The following UGT1A1 variants were observed in gnomAD, a reference collection of about 807,000 sequenced individuals.
UGT1A1 encodes UDP glucuronosyltransferase family 1 member A1, also known as UDP-glucuronosyltransferase 1A1.
In UGT1A1, 33 loss-of-function variants were observed where a neutral mutation model predicts 40.6. That is an observed-to-expected ratio of 0.81 (90% CI 0.62 to 1.09). UGT1A1 has a LOEUF of 1.09. Ranked by LOEUF, UGT1A1 falls within the 50% of genes least tolerant of loss-of-function variation. The pLI is 0.00. For missense variants in UGT1A1, 694 were observed against 671.2 expected, an observed-to-expected ratio of 1.03 and a Z score of -0.38; for synonymous variants, 249 against 265.0, an observed-to-expected ratio of 0.94 and a Z score of 0.59.
chr2:233,768,054 A>T (rs1384127703), intron 3 of UGT1A1, 118 bp downstream of exon 3: 6 of 1,603,138 alleles, frequency 3.7e-6, no homozygotes, highest in Non-Finnish European at 5.1e-6. Context: ...CATATCCTAC[A>T]TTGCTTTTTA....
In UGT1A1 at chr2:233,772,279, T is replaced by G. The variant is rs202172337; in HGVS notation, c.1322T>G (p.Met441Arg). Residue 441 changes from methionine to arginine, a missense_variant, in exon 5 of 5, where the codon ATG (methionine) becomes AGG (arginine). By Grantham distance (91) the Met-to-Arg change is moderately conservative. Transcript: ENST00000305208. ...INDKSYKENI[M>R]RLSSLHKDRP... The stretch of plus-strand genomic sequence containing the variant: ...GTGTTTAGTTACAAGGAGAACATCA[T>G]GCGCCTCTCCAGCCTTCACAAGGAC... 1.9e-6 allele frequency: 3 copies of G among 1,614,146 alleles called. No homozygotes were observed. The African/African-American group carries it at 4.0e-5, about 22-fold the overall frequency.
Position 233,760,303 on chromosome 2 carries a change from C to T in UGT1A1, c.16C>T (p.Gln6Ter), listed in dbSNP as rs2125982207. ...CAAAGGCGCCATGGCTGTGGAGTCC[C>T]AGGGCGGACGCCCACTTGTCCTGGG... MAVES[Q>*]GGRPLVLGLL... is the part of the protein sequence containing the mutation. The change falls in exon 1 of 5, where the codon CAG (glutamine) becomes TAG (stop). Residue 6 changes from glutamine (Q) to a stop codon, truncating the protein, a stop_gained. Coordinates refer to ENST00000305208, the MANE Select transcript of UGT1A1 (RefSeq NM_000463.3). LOFTEE classifies it high-confidence loss of function. 2 of 1,613,696 alleles carry T rather than the reference C, an allele frequency of 1.2e-6. No individual in the cohort carries two copies. Among genetic ancestry groups the T allele is most frequent in the South Asian group, 1.1e-5 (1 of 91,060 alleles).
At chr2:233,761,840 A>T (rs1697880873) in intron 1 of UGT1A1, among the ~76,000 whole-genome samples, 1 of 152,140 alleles carries the variant, frequency 6.6e-6, no homozygotes, top group African/African-American at 2.4e-5. Context: ...AGCGTTAGGG[A>T]ATTACTCTTT....
intron 1 of UGT1A1, 29 bp downstream of exon 1, chr2:233,761,180 C>A (rs374898247): frequency 6.2e-7 from 1 of 1,614,128 alleles, no homozygotes; most frequent in East Asian, 2.2e-5. Context: ...CTTTTACATG[C>A]GTATATTCTT....
At chr2:233,772,075 T>C (rs1032984731) in intron 4 of UGT1A1, among the ~76,000 whole-genome samples, 187 bp from the exon 5 acceptor site, 85 of 152,270 alleles carry the variant, frequency 5.6e-4, no homozygotes, top group Non-Finnish European at 1.0e-3. Flanking sequence ...CTTGTGCCAC[T>C]ACACTCCAGC....
In UGT1A1 at chr2:233,760,435, C is replaced by G. The variant is rs2125984030; in HGVS notation, c.148C>G (p.Leu50Val). Residue 50 changes from leucine (L) to valine (V), a missense_variant, in exon 1 of 5, where the codon CTG (leucine) becomes GTG (valine). Leu to Val is a conservative substitution (Grantham distance 32). Coordinates refer to ENST00000305208, the MANE Select transcript of UGT1A1 (RefSeq NM_000463.3). ...WLSMLGAIQQLQQRGHEIVVL... is the reference protein window; with the variant it reads ...WLSMLGAIQQVQQRGHEIVVL... ...GAGCATGCTTGGGGCCATCCAGCAG[C>G]TGCAGCAGAGGGGACATGAAATAGT... The G allele has an allele frequency of 6.2e-7, 1 of 1,614,234 alleles. No individual in the cohort carries two copies. Among genetic ancestry groups the G allele is most frequent in the Non-Finnish European group, 8.5e-7 (1 of 1,180,038 alleles).
chr2:233,762,557 A>G (rs1283920878), intron 1 of UGT1A1, among the ~76,000 whole-genome samples: 3 of 152,170 alleles, frequency 2.0e-5, no homozygotes. Flanking sequence ...TCTGCTGGAG[A>G]TCTAGTCTAG....
In UGT1A1 at chr2:233,767,159, T is replaced by G. The variant is rs1291449017; in HGVS notation, c.990T>G (p.Pro330=). 1.2e-6 allele frequency: 2 copies of G among 1,613,988 alleles called. No homozygotes were observed. Among genetic ancestry groups the G allele is most frequent in the East Asian group, 4.5e-5 (2 of 44,876 alleles). ...TTGCTGATGCTTTGGGCAAAATCCCTCAGACAGTAAGAAGATTCTATACCA... is the reference window on the plus strand; with the variant it reads ...TTGCTGATGCTTTGGGCAAAATCCCGCAGACAGTAAGAAGATTCTATACCA... ...MAIADALGKI[P]QTVLWRYTGT... Residue 330 remains proline (P), a synonymous_variant, in exon 2 of 5, where the codon CCT becomes CCG. Coordinates refer to ENST00000305208, the MANE Select transcript of UGT1A1 (RefSeq NM_000463.3).
At position 233,772,686 on chromosome 2, in the gene UGT1A1, C is replaced by T. The variant is rs1700541749; in HGVS notation, c.*127C>T. The T allele has an allele frequency of 2.0e-6, 3 of 1,495,122 alleles. No individual in the cohort carries two copies. The highest frequency in any genetic ancestry group is 2.4e-5 in the Admixed American group (1 of 41,056). 92.6% of individuals were successfully genotyped at this position (1,495,122 alleles called of 1,614,324 possible). A position where few individuals can be genotyped will look rare whatever the true frequency, so the allele number is the denominator to read the frequency against. On this transcript the variant is annotated 3_prime_UTR_variant, in exon 5 of 5. Coordinates refer to ENST00000305208, the MANE Select transcript of UGT1A1 (RefSeq NM_000463.3). ...ATACTTTGCATAAATTAATCAGCCCCAGAGTGCTTTAAAAAATTCTCTTAA... is the reference window on the plus strand; with the variant it reads ...ATACTTTGCATAAATTAATCAGCCCTAGAGTGCTTTAAAAAATTCTCTTAA...
At chr2:233,761,337 T>C (rs1199702907) in intron 1 of UGT1A1, among the ~76,000 whole-genome samples, 186 bp downstream of exon 1, 1 of 152,264 alleles carries the variant, frequency 6.6e-6, no homozygotes, top group Non-Finnish European at 1.5e-5. Context: ...GATTTCTTGG[T>C]ATCTGAGATT....
At chr2:233,767,733 C>A in intron 2 of UGT1A1, 116 bp from the exon 3 acceptor site, 1 of 1,566,288 alleles carries the variant, frequency 6.4e-7, no homozygotes, top group Non-Finnish European at 8.7e-7. Flanking sequence ...CTGATCCTCC[C>A]ACTCTGTTAA....
In UGT1A1 at chr2:233,760,848, C is replaced by T. The variant is rs1237758968; in HGVS notation, c.561C>T (p.Pro187=). ...TGGAATTTGAGGCTACCCAGTGCCC[C>T]AACCCATTCTCCTACGTGCCCAGGC... ...CSLEFEATQC[P]NPFSYVPRPL... The change falls in exon 1 of 5, where the codon CCC becomes CCT. Residue 187 remains proline (P), a synonymous_variant. Coordinates refer to ENST00000305208, the MANE Select transcript of UGT1A1 (RefSeq NM_000463.3). 1 of 1,613,934 alleles carries T rather than the reference C, an allele frequency of 6.2e-7. No homozygotes were observed. The highest frequency in any genetic ancestry group is 1.3e-5 in the African/African-American group (1 of 74,920).
In UGT1A1 at chr2:233,773,093, G is replaced by A; in HGVS notation, c.*534G>A. 6.2e-6 allele frequency: 1 copy of A among 160,484 alleles called. No homozygotes were observed. Among genetic ancestry groups the A allele is most frequent in the East Asian group, 1.7e-4 (1 of 5,844 alleles). The allele number at this position is 160,484 out of a possible 1,614,324, so 9.9% of individuals were successfully genotyped here. A position where few individuals can be genotyped will look rare whatever the true frequency, so the allele number is the denominator to read the frequency against. Reference sequence around the variant, plus strand: ...GAATGAATGGCTTGGAGTGCACTGAGAACAGCATATGATTTCTTGCTTTGG... The same window carrying A: ...GAATGAATGGCTTGGAGTGCACTGAAAACAGCATATGATTTCTTGCTTTGG... On this transcript the variant is annotated 3_prime_UTR_variant, in exon 5 of 5. Transcript: ENST00000305208.
chr2:233,768,119 T>G, intron 3 of UGT1A1, 101 bp from the exon 4 acceptor site: 4 of 1,600,008 alleles, frequency 2.5e-6, no homozygotes, highest in Non-Finnish European at 3.4e-6. Flanking sequence ...CAAGGGCATG[T>G]GAGTAACACT....
intron 1 of UGT1A1, among the ~76,000 whole-genome samples, chr2:233,762,133 C>T (rs1697980653): frequency 6.6e-6 from 1 of 152,096 alleles, no homozygotes. Flanking sequence ...ATGTGGGGAC[C>T]TGTGTGACTT....
At position 233,761,149 on chromosome 2, in the gene UGT1A1, C is replaced by G. The variant is rs1575779799; in HGVS notation, c.862C>G (p.Gln288Glu). The change falls in exon 1 of 5, where the codon CAG becomes GAG. Residue 288 changes from glutamine to glutamate, a missense_variant and splice_region_variant. Coordinates refer to ENST00000305208, the MANE Select transcript of UGT1A1 (RefSeq NM_000463.3). The stretch of plus-strand genomic sequence containing the variant: ...CTGCCTTCACCAAAATCCACTATCC[C>G]AGGTGTGTATTGGAGTGGGACTTTT... ...INCLHQNPLSQEFEAYINASG... is the reference protein window; with the variant it reads ...INCLHQNPLSEEFEAYINASG... The G allele has an allele frequency of 6.2e-7, 1 of 1,614,176 alleles. No homozygotes were observed. The highest frequency in any genetic ancestry group is 2.2e-5 in the East Asian group (1 of 44,886).
intron 4 of UGT1A1, 29 bp downstream of exon 4, chr2:233,768,468 T>C: frequency 6.2e-7 from 1 of 1,604,616 alleles, no homozygotes; most frequent in Non-Finnish European, 8.5e-7. Context: ...AAGAATACTT[T>C]GGTCATGGCA....
rs1697604278 is a variant in UGT1A1 at position 233,760,899 on chromosome 2, G to A, written c.612G>A (p.Met204Ile). 6.2e-7 allele frequency: 1 copy of A among 1,613,886 alleles called. No homozygotes were observed. ...PRPLSSHSDHMTFLQRVKNML... is the reference protein window; with the variant it reads ...PRPLSSHSDHITFLQRVKNML... ...CTCTCTCCTCTCATTCAGATCACAT[G>A]ACCTTCCTGCAGCGGGTGAAGAACA... The change falls in exon 1 of 5, where the codon ATG becomes ATA. Residue 204 changes from methionine (M) to isoleucine (I), a missense_variant. Coordinates refer to ENST00000305208, the MANE Select transcript of UGT1A1 (RefSeq NM_000463.3).
At chr2:233,765,711 T>TTAA (rs10664358) in intron 1 of UGT1A1, among the ~76,000 whole-genome samples, 1,596 of 149,282 alleles carry the variant, frequency 0.011, 27 homozygotes, top group African/African-American at 0.036. Context: ...ATAATAATAA[T>TTAA]TAATAATAAT....
Sources: allele counts gnomAD v4.1 joint callset (sites outside exome capture counted in the v4.1 genomes callset), GRCh38; gene constraint gnomAD v4.1.1; transcripts MANE v1.5; gene names NCBI Gene and HGNC (gene_info 2026-07-23, HGNC 2026-07-21).